CDCP2: variants seen among roughly 807,000 people sequenced by gnomAD.
The protein encoded by CDCP2 is CUB domain-containing protein 2.
CDCP2 carries 31 observed loss-of-function variants against 31.0 expected under a neutral mutation model. That is an observed-to-expected ratio of 1.00 (90% CI 0.75 to 1.35). CDCP2 has a LOEUF of 1.35. Among genes scored for constraint, CDCP2 ranks in the 40% most tolerant of loss-of-function variants. CDCP2 has a pLI of 0.00. For missense variants in CDCP2, 443 were observed against 482.6 expected, an observed-to-expected ratio of 0.92 and a Z score of 0.77; for synonymous variants, 206 against 207.9, an observed-to-expected ratio of 0.99 and a Z score of 0.08.
At chr1:54,140,026 G>C (rs770257937) in exon 4 of CDCP2, 1 of 1,613,928 alleles carries the variant, frequency 6.2e-7, no homozygotes, top group Non-Finnish European at 8.5e-7. Flanking sequence ...CAGTGGCAGC[G>C]GATGTTGTTG....
rs778711241 is a variant in CDCP2 at position 54,139,648 on chromosome 1, G to A, written c.1117+105C>T. 61 of 1,613,508 alleles carry A rather than the reference G, an allele frequency of 3.8e-5. No homozygotes were observed. The African/African-American group carries it at 7.9e-4, about 21-fold the overall frequency. On this transcript the variant is annotated intron_variant, in intron 4 of 5. Coordinates refer to ENST00000530059, the Ensembl canonical transcript of CDCP2. ...AGGAGCTGGAGAAGACCATTCATGGGGGGGGCAGGACAAACTGGTGGGATG... is the reference window on the plus strand; with the variant it reads ...AGGAGCTGGAGAAGACCATTCATGGAGGGGGCAGGACAAACTGGTGGGATG...
rs376405124 is a variant in CDCP2, at chr1:54,139,862, A to G, written c.1008T>C (p.Cys336=). The stretch of plus-strand genomic sequence containing the variant: ...TCACGGGTGGTGGCAGGTGGTGTCC[A>G]CACCAATTCCCCAGCAGGGGTGCCT... Residue 336 remains cysteine (C), a synonymous_variant, in exon 4 of 6, where the codon TGT becomes TGC. Transcript: ENST00000530059. 27 of 1,614,092 alleles carry G rather than the reference A, an allele frequency of 1.7e-5. No individual in the cohort carries two copies. The African/African-American group carries it at 2.7e-4, about 16-fold the overall frequency.
At chr1:54,140,096 C>T (rs372034165) in exon 4 of CDCP2, 92 of 1,613,016 alleles carry the variant, frequency 5.7e-5, no homozygotes, top group Non-Finnish European at 7.5e-5. Flanking sequence ...TGTATACCTC[C>T]TGGCATTCTC....
rs1164385330 is a variant in CDCP2, at chr1:54,133,268, G to GAT, written c.1322_1323insAT (p.Val443AlafsTer66). 5.0e-6 allele frequency: 2 copies of GAT among 399,036 alleles called. No homozygotes were observed. Among genetic ancestry groups the GAT allele is most frequent in the Admixed American group, 4.4e-5 (1 of 22,726 alleles). 24.7% of individuals were successfully genotyped at this position (399,036 alleles called of 1,614,324 possible). ...CTGAGAAGTCGATGTACAGCACGCT[G>GAT]ACAATCACTGAAGTGTTGTTTCTTC... On this transcript the variant is annotated frameshift_variant, in exon 6 of 6. Transcript: ENST00000530059. LOFTEE classifies it high-confidence loss of function.
At chr1:54,144,813 C>T (rs1204539509) in exon 2 of CDCP2, 2 of 1,605,410 alleles carry the variant, frequency 1.2e-6, no homozygotes, top group South Asian at 1.1e-5. Context: ...ACATTTGACA[C>T]CTGGGGCAAG....
At chr1:54,133,913 C>CAAACAAACAAACAAAAAAAA (rs748829165) in intron 5 of CDCP2, among the ~76,000 whole-genome samples, 3 of 144,784 alleles carry the variant, frequency 2.1e-5, no homozygotes, top group African/African-American at 7.7e-5. Flanking sequence ...AACAAACAAA[C>CAAACAAACAAACAAAAAAAA]AAAAAAAACC....
intron 1 of CDCP2, 57 bp downstream of exon 1, chr1:54,152,787 C>T (rs1170693316): frequency 4.0e-6 from 6 of 1,514,922 alleles, no homozygotes; most frequent in African/African-American, 1.4e-5. Context: ...GAGCCCCTGG[C>T]TGTTGCCTGC....
At chr1:54,140,979 A>G in intron 3 of CDCP2, 119 bp downstream of exon 3, 3 of 776,898 alleles carry the variant, frequency 3.9e-6, no homozygotes, top group Non-Finnish European at 5.9e-6. Context: ...CCAGGCAGAG[A>G]GAGTGCAGAA....
chr1:54,136,497 A>G (rs542788416), intron 5 of CDCP2, 133 bp downstream of exon 5: 1 of 398,048 alleles, frequency 2.5e-6, no homozygotes, highest in South Asian at 1.4e-4. Context: ...AGTAAAGCCA[A>G]GAAGGGGTTA....
At position 54,144,818 on chromosome 1, in the gene CDCP2, G is replaced by C. The variant is rs554061751; in HGVS notation, c.80-5C>G. ...GCACACCCCCACATTTGACACCTGG[G>C]GCAAGAGAGAAGTATGGCTGAGACT... On this transcript the variant is annotated splice_region_variant and splice_polypyrimidine_tract_variant and intron_variant, in intron 1 of 5. Coordinates refer to ENST00000530059, the Ensembl canonical transcript of CDCP2. The C allele has an allele frequency of 2.5e-6, 4 of 1,602,608 alleles. No homozygotes were observed. The highest frequency in any genetic ancestry group is 2.2e-5 in the South Asian group (2 of 89,366).
At chr1:54,137,996 G>A (rs552428822) in intron 4 of CDCP2, 2 of 152,292 alleles carry the variant, frequency 1.3e-5, no homozygotes, top group East Asian at 1.9e-4. Context: ...CGCCCAGTGT[G>A]AGTGCCCTTG....
At chr1:54,146,795 G>C (rs1341142046) in intron 1 of CDCP2, among the ~76,000 whole-genome samples, 2 of 151,766 alleles carry the variant, frequency 1.3e-5, no homozygotes, top group Middle Eastern at 3.2e-3. Context: ...AGATTGTGTG[G>C]AAAGACACAG....
At chr1:54,141,102 G>A in exon 3 of CDCP2, 1 of 1,519,866 alleles carries the variant, frequency 6.6e-7, no homozygotes, top group Non-Finnish European at 8.8e-7. Context: ...TCCTACCTGA[G>A]AAGTAGTAGG....
chr1:54,142,197 C>T (rs769263536), intron 2 of CDCP2: 1 of 152,244 alleles, frequency 6.6e-6, no homozygotes, highest in Non-Finnish European at 1.5e-5. Context: ...ACTGTCCACT[C>T]CTACGAGGCC....
At chr1:54,133,868 C>T (rs1200805465) in intron 5 of CDCP2, among the ~76,000 whole-genome samples, 1 of 138,486 alleles carries the variant, frequency 7.2e-6, no homozygotes, top group East Asian at 2.1e-4. Flanking sequence ...TGCACTCCAG[C>T]CTGTGGGACA....
At chr1:54,132,812 T>C (rs77813142), downstream of CDCP2, 4 of 397,162 alleles carry the variant, frequency 1.0e-5, no homozygotes, top group Non-Finnish European at 1.8e-5. Flanking sequence ...CCCTGTGAGA[T>C]AGCAGGGCAG....
downstream of CDCP2, chr1:54,132,962 G>A (rs1211877687): frequency 2.5e-6 from 1 of 398,872 alleles, no homozygotes; most frequent in East Asian, 3.6e-5. Context: ...TCCCTATGCT[G>A]TCTATTCAAA....
chr1:54,133,741 A>C (rs1659208828), intron 5 of CDCP2, among the ~76,000 whole-genome samples: 1 of 151,852 alleles, frequency 6.6e-6, no homozygotes, highest in African/African-American at 2.4e-5. Context: ...CTAAAAATAC[A>C]AAAAATTAGC....
chr1:54,143,839 A>T (rs1659414478), intron 2 of CDCP2: 1 of 152,262 alleles, frequency 6.6e-6, no homozygotes, highest in African/African-American at 2.4e-5. Flanking sequence ...GGCAAGAAGA[A>T]CAAGGCCTCC....
Sources: allele counts gnomAD v4.1 joint callset (sites outside exome capture counted in the v4.1 genomes callset), GRCh38; gene constraint gnomAD v4.1.1; transcripts MANE v1.5; gene names NCBI Gene and HGNC (gene_info 2026-07-23, HGNC 2026-07-21).